Variants in CPPED1 observed in about 807,000 individuals in gnomAD.
CPPED1 encodes serine/threonine-protein phosphatase CPPED1.
In CPPED1, 28 loss-of-function variants were observed where a neutral mutation model predicts 28.0. The ratio of observed to expected loss-of-function variants is 1.00; its 90% CI spans 0.74 to 1.37. The LOEUF (loss-of-function observed/expected upper bound fraction) is 1.37. CPPED1 is among the 40% of genes most tolerant of loss of function. The pLI is 0.00. For missense variants in CPPED1, 504 were observed against 416.5 expected (o/e 1.21, Z -1.83); for synonymous variants, 198 against 180.2 (o/e 1.10, Z -0.79).
rs1253758690 is a variant in CPPED1 at position 12,663,007 on chromosome 16, T to A, written c.*1879A>T. 6.6e-6 allele frequency: 1 copy of A among 151,756 alleles called. No homozygotes were observed. Among genetic ancestry groups the A allele is most frequent in the Non-Finnish European group, 1.5e-5 (1 of 68,100 alleles). The allele number at this position is 151,756 out of a possible 1,614,324, so 9.4% of individuals were successfully genotyped here. On this transcript the variant is annotated 3_prime_UTR_variant, in exon 4 of 4. Coordinates refer to ENST00000381774, the MANE Select transcript of CPPED1 (RefSeq NM_018340.3). ...AACCCCCATCCTGGAATCGAAGCCCTCTGTTTATGATCCAAGTGTCACCAC... is the reference window on the plus strand; with the variant it reads ...AACCCCCATCCTGGAATCGAAGCCCACTGTTTATGATCCAAGTGTCACCAC...
rs184272650 is a variant in CPPED1 at position 12,766,025 on chromosome 16, A to T, written c.289+15160T>A. Among the ~76,000 whole-genome samples, 3 of 152,152 alleles carry T rather than the reference A, an allele frequency of 2.0e-5. No individual in the cohort carries two copies. In the East Asian group the frequency reaches 5.8e-4, roughly 29 times the overall value. On this transcript the variant is annotated intron_variant, in intron 2 of 3. Coordinates refer to ENST00000381774, the MANE Select transcript of CPPED1 (RefSeq NM_018340.3). ...TAGAGCAAAAACAATGAAAAAGAAGATGTAAATAATCCAGTCAGCTAAGCA... is the reference window on the plus strand; with the variant it reads ...TAGAGCAAAAACAATGAAAAAGAAGTTGTAAATAATCCAGTCAGCTAAGCA...
At chr16:12,777,756 T>C (rs912446336) in intron 2 of CPPED1, among the ~76,000 whole-genome samples, 1 of 152,130 alleles carries the variant, frequency 6.6e-6, no homozygotes, top group Non-Finnish European at 1.5e-5. Context: ...TCTCCAATAT[T>C]ACATCCATAG....
intron 1 of CPPED1, among the ~76,000 whole-genome samples, chr16:12,789,342 T>G (rs544443849): frequency 2.0e-5 from 3 of 152,050 alleles, no homozygotes; most frequent in Non-Finnish European, 4.4e-5. Context: ...CAAAGGAAAA[T>G]ACATTGACTG....
At chr16:12,695,210 G>T (rs1189593132) in intron 3 of CPPED1, among the ~76,000 whole-genome samples, 1 of 152,146 alleles carries the variant, frequency 6.6e-6, no homozygotes, top group Non-Finnish European at 1.5e-5. Context: ...CACTTAATTG[G>T]TGAGGTATGT....
chr16:12,750,329 G>A (rs1408654050), intron 2 of CPPED1, among the ~76,000 whole-genome samples: 1 of 152,104 alleles, frequency 6.6e-6, no homozygotes, highest in African/African-American at 2.4e-5. Flanking sequence ...ATCATTTCTA[G>A]CTTTCTATTT....
At chr16:12,734,057 CGTT>C (rs2080213338) in intron 2 of CPPED1, among the ~76,000 whole-genome samples, 3 of 102,972 alleles carry the variant, frequency 2.9e-5, no homozygotes, top group Admixed American at 2.2e-4. Context: ...TCAAATTACA[CGTT>C]TTTTTTTTTT....
intron 3 of CPPED1, among the ~76,000 whole-genome samples, chr16:12,695,256 ATTTTAT>A (rs2079983885): frequency 6.6e-6 from 1 of 152,082 alleles, no homozygotes; most frequent in Non-Finnish European, 1.5e-5. Flanking sequence ...CTCCTTACAT[ATTTTAT>A]TTTTATTTAC....
Position 12,682,403 on chromosome 16 carries a change from C to T in CPPED1, c.716-17288G>A, listed in dbSNP as rs1010464724. ...ATTTTTTCCCCTTCCTGATGACTTA[C>T]AGATTCAAAACCTGTAGAATATGCA... On this transcript the variant is annotated intron_variant, in intron 3 of 3. Transcript: ENST00000381774. The surrounding 1 kb of genome is among the most constrained non-coding windows in gnomAD (Gnocchi z 6.1). 4.6e-5 allele frequency among the ~76,000 whole-genome samples: 7 copies of T among 152,274 alleles called. No homozygotes were observed. The highest frequency in any genetic ancestry group is 1.4e-4 in the African/African-American group (6 of 41,552).
chr16:12,726,322 G>C (rs1226811077), intron 2 of CPPED1, among the ~76,000 whole-genome samples: 1 of 146,392 alleles, frequency 6.8e-6, no homozygotes, highest in Admixed American at 7.0e-5. Context: ...TAACAGGTGT[G>C]AGCCACTGCA....
At chr16:12,737,422 G>A (rs779777426) in intron 2 of CPPED1, among the ~76,000 whole-genome samples, 11 of 152,122 alleles carry the variant, frequency 7.2e-5, no homozygotes, top group Admixed American at 4.6e-4. Context: ...CCTTACAGGT[G>A]GGGCCCAGAG....
chr16:12,735,119 G>A (rs955896808), intron 2 of CPPED1, among the ~76,000 whole-genome samples: 2 of 152,180 alleles, frequency 1.3e-5, no homozygotes, highest in African/African-American at 2.4e-5. Context: ...CCAAGTGCAC[G>A]GATGTCCAGG....
chr16:12,733,634 G>A (rs949915722), intron 2 of CPPED1, among the ~76,000 whole-genome samples: 3 of 152,186 alleles, frequency 2.0e-5, no homozygotes, highest in African/African-American at 7.2e-5. Flanking sequence ...GGAGTGGGAT[G>A]GAGAGAAGGA....
chr16:12,797,813 T>G (rs776202226), intron 1 of CPPED1, among the ~76,000 whole-genome samples: 1 of 151,916 alleles, frequency 6.6e-6, no homozygotes, highest in Non-Finnish European at 1.5e-5. Context: ...AGACCATGGG[T>G]TGGACAAGCT....
intron 2 of CPPED1, among the ~76,000 whole-genome samples, chr16:12,730,988 T>G (rs113197057): frequency 1.2e-3 from 190 of 152,228 alleles, no homozygotes; most frequent in African/African-American, 4.3e-3. Context: ...GCATGAAGCT[T>G]GACCACTGTC....
intron 3 of CPPED1, among the ~76,000 whole-genome samples, chr16:12,668,977 G>C (rs1397926908): frequency 1.3e-5 from 2 of 152,258 alleles, no homozygotes; most frequent in African/African-American, 4.8e-5. Context: ...TCACTCCTAA[G>C]TATGTATCTA....
At chr16:12,774,607 T>C (rs1182165923) in intron 2 of CPPED1, among the ~76,000 whole-genome samples, 1 of 152,166 alleles carries the variant, frequency 6.6e-6, no homozygotes, top group East Asian at 1.9e-4. Context: ...TCACCACACA[T>C]TGCTATGGTT....
At chr16:12,795,538 C>G (rs953557016) in intron 1 of CPPED1, among the ~76,000 whole-genome samples, 4 of 152,162 alleles carry the variant, frequency 2.6e-5, no homozygotes, top group African/African-American at 9.7e-5. Context: ...TGGGGTTTCA[C>G]CATGTTGGCC....
rs2079796126 is a variant in CPPED1 at position 12,661,781 on chromosome 16, A to T, written c.*3105T>A. On this transcript the variant is annotated 3_prime_UTR_variant, in exon 4 of 4. Coordinates refer to ENST00000381774, the MANE Select transcript of CPPED1 (RefSeq NM_018340.3). ...GTTCGGTTTCTAAATCTCCCCCAGTAAAAATCCTCCCCCTGGAACCATCTG... is the reference window on the plus strand; with the variant it reads ...GTTCGGTTTCTAAATCTCCCCCAGTTAAAATCCTCCCCCTGGAACCATCTG... 6.5e-6 allele frequency: 1 copy of T among 152,684 alleles called. No homozygotes were observed. Among genetic ancestry groups the T allele is most frequent in the Non-Finnish European group, 1.5e-5 (1 of 68,458 alleles). 9.5% of individuals were successfully genotyped at this position (152,684 alleles called of 1,614,324 possible).
intron 2 of CPPED1, among the ~76,000 whole-genome samples, chr16:12,765,676 C>T (rs1416647314): frequency 6.6e-6 from 1 of 152,070 alleles, no homozygotes; most frequent in Admixed American, 6.5e-5. Flanking sequence ...TTTCTACAAA[C>T]CAAATAATAC....
Sources: gnomAD v4.1 joint callset for allele counts (sites outside exome capture counted in the v4.1 genomes callset) on GRCh38, gnomAD v4.1.1 for gene constraint, Gnocchi (gnomAD v3.1) non-coding constraint, MANE v1.5 for transcripts, NCBI Gene and HGNC (gene_info 2026-07-23, HGNC 2026-07-21) for gene names.